Variants in HP1BP3 observed in about 807,000 individuals in gnomAD.
HP1BP3 encodes heterochromatin protein 1-binding protein 3.
Under a neutral mutation model 62.5 loss-of-function variants are expected in HP1BP3, and 12 were observed. The ratio of observed to expected loss-of-function variants is 0.19; its 90% CI spans 0.12 to 0.31. The LOEUF (loss-of-function observed/expected upper bound fraction) is 0.31. Among genes scored for constraint, HP1BP3 ranks in the 10% least tolerant of loss-of-function variants. HP1BP3 has a pLI of 1.00. For missense variants in HP1BP3, 502 were observed against 651.8 expected, an observed-to-expected ratio of 0.77 and a Z score of 2.50; for synonymous variants, 260 against 237.8, an observed-to-expected ratio of 1.09 and a Z score of -0.86.
chr1:20,770,060 T>C (rs1011727656), intron 6 of HP1BP3, among the ~76,000 whole-genome samples: 2 of 152,186 alleles, frequency 1.3e-5, no homozygotes, highest in African/African-American at 2.4e-5. Context: ...ATATAAAGTT[T>C]ATTCTAGCTT....
Position 20,783,223 on chromosome 1 carries a change from T to C in HP1BP3, c.-100-2683A>G, listed in dbSNP as rs145617331. On this transcript the variant is annotated intron_variant, in intron 1 of 12. Coordinates refer to ENST00000438032, the MANE Select transcript of HP1BP3 (RefSeq NM_001372052.1). ...TTAAAACCCAGTTATTTGGGATAAA[T>C]ATTAAGAGACGTTAGGGCTGGGTAC... Among the ~76,000 whole-genome samples, 320 of 152,122 alleles carry C rather than the reference T, an allele frequency of 2.1e-3. 1 individual carries two copies. Among genetic ancestry groups the C allele is most frequent in the African/African-American group, 7.3e-3 (303 of 41,524 alleles).
Position 20,740,913 on chromosome 1 carries a change from T to C in HP1BP3, c.*3884A>G, listed in dbSNP as rs912836341. On this transcript the variant is annotated 3_prime_UTR_variant, in exon 13 of 13. Transcript: ENST00000438032. ...TGATTAGGGGTACTGTTTAACCATC[T>C]GTAATGGCTTCTAAACAAATCTTTG... is the stretch of plus-strand genomic sequence containing the variant. Among the ~76,000 whole-genome samples the C allele has an allele frequency of 6.6e-6, 1 of 152,258 alleles. No individual in the cohort carries two copies. The highest frequency in any genetic ancestry group is 2.4e-5 in the African/African-American group (1 of 41,474).
intron 6 of HP1BP3, among the ~76,000 whole-genome samples, chr1:20,770,266 T>C (rs1245676206): frequency 6.6e-6 from 1 of 152,158 alleles, no homozygotes; most frequent in South Asian, 2.1e-4. Context: ...AACAAGTCTA[T>C]CATGTAAGTT....
chr1:20,781,150 T>C (rs2154541530), intron 1 of HP1BP3, among the ~76,000 whole-genome samples: 1 of 152,184 alleles, frequency 6.6e-6, no homozygotes, highest in East Asian at 1.9e-4. Context: ...AAGAATATAA[T>C]TAAATATTCA....
chr1:20,776,327 C>A (rs1403843883), intron 4 of HP1BP3: 4 of 426,504 alleles, frequency 9.4e-6, no homozygotes, highest in Non-Finnish European at 1.2e-5. Context: ...ATCAGATACT[C>A]CCACAATAAA....
intron 8 of HP1BP3, among the ~76,000 whole-genome samples, chr1:20,764,466 C>G (rs928933571): frequency 4.0e-5 from 6 of 151,898 alleles, no homozygotes; most frequent in African/African-American, 1.4e-4. Flanking sequence ...GCCTCAGCCT[C>G]CTGAGTAGCT....
rs1308859318 is a variant in HP1BP3 at position 20,776,744 on chromosome 1, T to C, written c.203A>G (p.Asp68Gly). Residue 68 changes from aspartate to glycine, a missense_variant, in exon 4 of 13, where the codon GAC (aspartate) becomes GGC (glycine). By Grantham distance (94) the Asp-to-Gly change is moderately conservative. Transcript: ENST00000438032. ...GGAGACAGATTCCTCTGAACTTATG[T>C]CTGGTTCTAAAAAATCAGGTGAGCA... ...AEGEEEKPEPDISSEESVSTV... is the reference protein window; with the variant it reads ...AEGEEEKPEPGISSEESVSTV... 2 of 1,607,618 alleles carry C rather than the reference T, an allele frequency of 1.2e-6. No homozygotes were observed. Among genetic ancestry groups the C allele is most frequent in the East Asian group, 2.2e-5 (1 of 44,672 alleles).
At position 20,745,562 on chromosome 1, in the gene HP1BP3, C is replaced by G. The variant is rs775804235; in HGVS notation, c.1348G>C (p.Glu450Gln). 1 of 1,614,120 alleles carries G rather than the reference C, an allele frequency of 6.2e-7. No individual in the cohort carries two copies. Among genetic ancestry groups the G allele is most frequent in the South Asian group, 1.1e-5 (1 of 91,084 alleles). Residue 450 changes from glutamate to glutamine, a missense_variant, in exon 12 of 13, where the codon GAG (glutamate) becomes CAG (glutamine). Glu to Gln is a conservative substitution (Grantham distance 29). This residue lies in a region of HP1BP3 where 194 missense variants were observed against 207.0 expected (regional missense o/e 0.94). Coordinates refer to ENST00000438032, the MANE Select transcript of HP1BP3 (RefSeq NM_001372052.1). ...ESSEEDSEDEEPPPKRRLQKK... is the reference protein window; with the variant it reads ...ESSEEDSEDEQPPPKRRLQKK... ...CCACACCTTCTCTTAGGTGGCGGCT[C>G]TTCATCCTCAGAGTCTTCTTCTGAT...
chr1:20,757,941 C>T (rs918525833), intron 8 of HP1BP3, among the ~76,000 whole-genome samples: 3 of 151,952 alleles, frequency 2.0e-5, no homozygotes, highest in Non-Finnish European at 2.9e-5. Flanking sequence ...ATCAGGAGTT[C>T]GAGACCAGCC....
intron 4 of HP1BP3, chr1:20,776,310 T>C: frequency 2.3e-6 from 1 of 427,752 alleles, no homozygotes. Flanking sequence ...TTGCCAATGC[T>C]TAAAATATCA....
chr1:20,767,720 G>A (rs903601510), intron 6 of HP1BP3, 56 bp from the exon 7 acceptor site: 1 of 1,082,894 alleles, frequency 9.2e-7, no homozygotes, highest in Non-Finnish European at 1.4e-6. Flanking sequence ...GTAGGCTAAG[G>A]AAATTACAGG....
intron 8 of HP1BP3, among the ~76,000 whole-genome samples, chr1:20,762,743 T>C (rs905533632): frequency 1.3e-5 from 2 of 152,148 alleles, no homozygotes; most frequent in Non-Finnish European, 2.9e-5. Context: ...CTTACATATA[T>C]TAATGTCTCA....
At chr1:20,779,468 A>C (rs2057447397) in intron 3 of HP1BP3, among the ~76,000 whole-genome samples, 1 of 152,120 alleles carries the variant, frequency 6.6e-6, no homozygotes, top group Non-Finnish European at 1.5e-5. Context: ...TGTCTATTCT[A>C]AAGGCCCACG....
intron 8 of HP1BP3, among the ~76,000 whole-genome samples, chr1:20,757,508 A>G (rs954906173): frequency 4.0e-5 from 6 of 151,878 alleles, no homozygotes; most frequent in African/African-American, 1.5e-4. Flanking sequence ...AGTAGCTGGG[A>G]TAACAGGCAT....
chr1:20,767,547 G>T, intron 7 of HP1BP3, 37 bp downstream of exon 7: 1 of 1,305,936 alleles, frequency 7.7e-7, no homozygotes, highest in Non-Finnish European at 1.1e-6. Context: ...AGCAGTAACA[G>T]CTCCACAGCA....
chr1:20,743,633 AC>A lies in HP1BP3; in HGVS notation c.*1163del, dbSNP rs1322914486. ...CCAAGATCACACCACTGCACTCCAC[AC>A]TGGGCGACAGAGCGAGACTCTGTCT... On this transcript the variant is annotated 3_prime_UTR_variant, in exon 13 of 13. Coordinates refer to ENST00000438032, the MANE Select transcript of HP1BP3 (RefSeq NM_001372052.1). The A allele has an allele frequency of 6.6e-6, 1 of 151,936 alleles. No homozygotes were observed. Among genetic ancestry groups the A allele is most frequent in the Non-Finnish European group, 1.5e-5 (1 of 67,984 alleles). 9.4% of individuals were successfully genotyped at this position (151,936 alleles called of 1,614,324 possible).
chr1:20,745,178 G>A (rs544579263), intron 12 of HP1BP3, 87 bp from the exon 13 acceptor site: 10 of 1,412,140 alleles, frequency 7.1e-6, no homozygotes, highest in South Asian at 1.4e-5. Context: ...AAAGAGAAAC[G>A]GCATATGAAG....
In HP1BP3 at chr1:20,752,621, G is replaced by C. The variant is rs543827770; in HGVS notation, c.982-2739C>G. On this transcript the variant is annotated intron_variant, in intron 9 of 12. Transcript: ENST00000438032. ...CTATTTTGACATTTGCACTGATGGT[G>C]CAGAAGCAATGGTGGGTAAAACTGC... Among the ~76,000 whole-genome samples, 7 of 152,226 alleles carry C rather than the reference G, an allele frequency of 4.6e-5. No individual in the cohort carries two copies. In the South Asian group the frequency reaches 1.5e-3, roughly 32 times the overall value.
At chr1:20,774,383 C>T (rs115269315) in intron 4 of HP1BP3, 2,924 of 152,104 alleles carry the variant, frequency 0.019, 57 homozygotes, top group Middle Eastern at 0.037. Flanking sequence ...CACCCACACA[C>T]GATAGTTGCT....
Sources: gnomAD v4.1 joint callset for allele counts (sites outside exome capture counted in the v4.1 genomes callset) on GRCh38, gnomAD v4.1.1 for gene constraint, gnomAD v4.1.1 regional missense constraint, MANE v1.5 for transcripts, NCBI Gene and HGNC (gene_info 2026-07-23, HGNC 2026-07-21) for gene names.